CNTNAP5: variants seen among roughly 807,000 people sequenced by gnomAD.
CNTNAP5 encodes contactin-associated protein-like 5.
A neutral mutation model predicts 150.2 loss-of-function variants in CNTNAP5; 72 were observed. That is an observed-to-expected ratio of 0.48 (90% CI 0.40 to 0.58). CNTNAP5 has a LOEUF of 0.58. Among genes scored for constraint, CNTNAP5 ranks in the 20% least tolerant of loss-of-function variants. The probability of loss-of-function intolerance (pLI) is 0.00; values close to 1 mark genes in which losing one functional copy is unlikely to be tolerated. For synonymous variants in CNTNAP5, 672 were observed against 619.8 expected, an observed-to-expected ratio of 1.08 and a Z score of -1.25; for missense variants, 1,636 against 1,626.2, an observed-to-expected ratio of 1.01 and a Z score of -0.10.
chr2:124,550,333 C>A (rs1695599501), intron 10 of CNTNAP5, among the ~76,000 whole-genome samples: 2 of 152,132 alleles, frequency 1.3e-5, no homozygotes, highest in Admixed American at 1.3e-4. Context: ...GGTCTGGGAG[C>A]CAGCAGTTTT....
intron 13 of CNTNAP5, among the ~76,000 whole-genome samples, chr2:124,726,804 G>T (rs1680165737): frequency 6.6e-6 from 1 of 151,464 alleles, no homozygotes; most frequent in Admixed American, 6.6e-5. Flanking sequence ...ACTCTCGATT[G>T]TTGATTTTTT....
chr2:124,642,815 A>G (rs1266264142), intron 12 of CNTNAP5, among the ~76,000 whole-genome samples: 2 of 152,248 alleles, frequency 1.3e-5, no homozygotes, highest in Non-Finnish European at 2.9e-5. Context: ...CACAAAAATG[A>G]ATTATGCATT....
At chr2:124,504,268 T>C (rs1428085134) in intron 7 of CNTNAP5, 24 bp from the exon 8 acceptor site, 2 of 1,603,694 alleles carry the variant, frequency 1.2e-6, no homozygotes, top group Admixed American at 1.7e-5. Flanking sequence ...GGCTTTTATA[T>C]GTTTGACTTT....
intron 1 of CNTNAP5, among the ~76,000 whole-genome samples, chr2:124,133,634 T>A (rs909183857): frequency 6.6e-6 from 1 of 152,172 alleles, no homozygotes; most frequent in African/African-American, 2.4e-5. Context: ...GTGTCTCTTC[T>A]GTATCCAGCA....
intron 1 of CNTNAP5, among the ~76,000 whole-genome samples, chr2:124,148,215 C>T (rs909103877): frequency 2.6e-5 from 4 of 151,330 alleles, no homozygotes; most frequent in East Asian, 1.9e-4. Context: ...CTCACTACCG[C>T]GTGAACCCAG....
At chr2:124,880,253 A>G (rs1040994020) in intron 21 of CNTNAP5, among the ~76,000 whole-genome samples, 2 of 152,128 alleles carry the variant, frequency 1.3e-5, no homozygotes, top group African/African-American at 4.8e-5. Context: ...CACTTGCACA[A>G]TTATCATTGC....
intron 1 of CNTNAP5, among the ~76,000 whole-genome samples, chr2:124,158,156 G>A (rs985778584): frequency 2.6e-5 from 4 of 152,076 alleles, no homozygotes; most frequent in African/African-American, 9.7e-5. Context: ...TTTCTTTTCT[G>A]GTTAAGCCAG....
intron 23 of CNTNAP5, among the ~76,000 whole-genome samples, chr2:124,912,820 TCTGA>T (rs144315366): frequency 1.3e-3 from 199 of 152,190 alleles, no homozygotes; most frequent in African/African-American, 4.5e-3. Flanking sequence ...AGCTGCTGAC[TCTGA>T]CTATCCCATG....
At chr2:124,201,396 A>ACTCCT (rs1558798729) in intron 1 of CNTNAP5, among the ~76,000 whole-genome samples, 1 of 152,248 alleles carries the variant, frequency 6.6e-6, no homozygotes, top group African/African-American at 2.4e-5. Flanking sequence ...CAGTTACAGA[A>ACTCCT]TCTTTACAAT....
intron 3 of CNTNAP5, among the ~76,000 whole-genome samples, chr2:124,288,404 G>A (rs867058495): frequency 3.9e-5 from 6 of 152,238 alleles, no homozygotes; most frequent in African/African-American, 1.4e-4. Flanking sequence ...CTATACATGG[G>A]GCACTGTGTT....
intron 1 of CNTNAP5, among the ~76,000 whole-genome samples, chr2:124,129,830 C>G (rs967018934): frequency 2.0e-5 from 3 of 152,214 alleles, no homozygotes; most frequent in East Asian, 1.9e-4. Context: ...ATTTTCCTGA[C>G]GGATGTTGGA....
At position 124,242,039 on chromosome 2, in the gene CNTNAP5, A is replaced by G. The variant is rs1686899346; in HGVS notation, c.188-161A>G. Among the ~76,000 whole-genome samples the G allele has an allele frequency of 2.0e-5, 3 of 152,136 alleles. No homozygotes were observed. The South Asian group carries it at 6.2e-4, about 32-fold the overall frequency. On this transcript the variant is annotated intron_variant, in intron 2 of 23. Transcript: ENST00000682447. ...GATTTTGATGGAGGTGGAGAATGGA[A>G]AGTACCAGGGGGTTAAGTACAGAGG...
intron 3 of CNTNAP5, among the ~76,000 whole-genome samples, chr2:124,384,296 T>C (rs1690877117): frequency 6.6e-6 from 1 of 152,202 alleles, no homozygotes; most frequent in Non-Finnish European, 1.5e-5. Context: ...ACATTTTTCC[T>C]ATGCATAAAA....
intron 3 of CNTNAP5, among the ~76,000 whole-genome samples, chr2:124,365,870 G>C (rs1170212765): frequency 1.3e-5 from 2 of 152,144 alleles, no homozygotes; most frequent in Admixed American, 6.5e-5. Context: ...TTTACCAGGA[G>C]CTCTTGCATC....
At chr2:124,180,665 G>T (rs1253377110) in intron 1 of CNTNAP5, among the ~76,000 whole-genome samples, 2 of 152,118 alleles carry the variant, frequency 1.3e-5, no homozygotes, top group Non-Finnish European at 2.9e-5. Flanking sequence ...TCCAACAGTT[G>T]ATAGAAATCA....
At position 124,362,269 on chromosome 2, in the gene CNTNAP5, T is replaced by G. The variant is rs544186092; in HGVS notation, c.382-55174T>G. Among the ~76,000 whole-genome samples the G allele has an allele frequency of 2.9e-3, 447 of 152,340 alleles. 5 individuals are homozygous for G. Among genetic ancestry groups the G allele is most frequent in the Non-Finnish European group, 5.3e-3 (360 of 68,034 alleles). ...ATGGAAATGCAGAAATCACCCGTCTTCTGCGTCGCTCACGCTGGGAGCTGT... is the reference window on the plus strand; with the variant it reads ...ATGGAAATGCAGAAATCACCCGTCTGCTGCGTCGCTCACGCTGGGAGCTGT... On this transcript the variant is annotated intron_variant, in intron 3 of 23. Transcript: ENST00000682447.
intron 17 of CNTNAP5, among the ~76,000 whole-genome samples, chr2:124,776,079 A>G (rs17393704): frequency 0.14 from 21,304 of 152,200 alleles, 1,706 homozygotes; most frequent in Middle Eastern, 0.27. Flanking sequence ...TGCTATCTGC[A>G]TGTACAAATT....
intron 3 of CNTNAP5, among the ~76,000 whole-genome samples, chr2:124,382,672 A>AG (rs1250965743): frequency 1.3e-5 from 2 of 152,084 alleles, no homozygotes; most frequent in Non-Finnish European, 2.9e-5. Context: ...ACTAGAAGAG[A>AG]GATTATTTGC....
intron 19 of CNTNAP5, among the ~76,000 whole-genome samples, chr2:124,856,302 C>A (rs571737673): frequency 6.6e-6 from 1 of 152,242 alleles, no homozygotes; most frequent in Admixed American, 6.5e-5. Context: ...TATAAACATG[C>A]GTGTGCAAGT....
Sources: gnomAD v4.1 joint callset for allele counts (sites outside exome capture counted in the v4.1 genomes callset) on GRCh38, gnomAD v4.1.1 for gene constraint, MANE v1.5 for transcripts, NCBI Gene and HGNC (gene_info 2026-07-23, HGNC 2026-07-21) for gene names.